Variants in MTCL1 observed in about 807,000 individuals in gnomAD.
MTCL1 encodes the protein microtubule cross-linking factor 1.
In MTCL1, 79 loss-of-function variants were observed where a neutral mutation model predicts 141.4. That is an observed-to-expected ratio of 0.56 (90% CI 0.47 to 0.67). MTCL1 has a LOEUF of 0.67. MTCL1 is among the 30% of genes least tolerant of loss of function. MTCL1 has a pLI of 0.00. For missense variants in MTCL1, 2,177 were observed against 2,113.9 expected (o/e 1.03, Z -0.59); for synonymous variants, 914 against 875.8 (o/e 1.04, Z -0.77).
intron 6 of MTCL1, among the ~76,000 whole-genome samples, chr18:8,785,272 C>T (rs969526493): frequency 5.3e-5 from 8 of 152,174 alleles, no homozygotes; most frequent in Non-Finnish European, 8.8e-5. Flanking sequence ...TTAGCAGACT[C>T]GCTAACGAGC....
At chr18:8,825,225 C>T (rs750635320) in exon 15 of MTCL1, 3 of 1,596,910 alleles carry the variant, frequency 1.9e-6, no homozygotes, top group Non-Finnish European at 2.6e-6. Flanking sequence ...CAGCAGGTGG[C>T]CTTGCACCTC....
At chr18:8,831,412 T>G in intron 16 of MTCL1, 195 bp from the exon 15 acceptor site, 1 of 1,414,648 alleles carries the variant, frequency 7.1e-7, no homozygotes, top group Non-Finnish European at 9.2e-7. Flanking sequence ...CCCATTCATG[T>G]CACTGATCAT....
intron 4 of MTCL1, among the ~76,000 whole-genome samples, chr18:8,763,683 C>G (rs190694838): frequency 4.6e-5 from 7 of 152,332 alleles, no homozygotes; most frequent in Admixed American, 3.3e-4. Flanking sequence ...GACAAAAAGT[C>G]TTGTCAGTTC....
chr18:8,805,118 TAG>T (rs2076252553), intron 10 of MTCL1, among the ~76,000 whole-genome samples: 1 of 150,974 alleles, frequency 6.6e-6, no homozygotes, highest in Non-Finnish European at 1.5e-5. Context: ...TATATATATA[TAG>T]AATTTTAGGT....
chr18:8,721,934 G>A (rs2096175972), intron 4 of MTCL1, among the ~76,000 whole-genome samples: 1 of 152,108 alleles, frequency 6.6e-6, no homozygotes, highest in Non-Finnish European at 1.5e-5. Context: ...GCGGAGCATA[G>A]AGCTGTGTGA....
chr18:8,755,126 C>A (rs2096390338), intron 4 of MTCL1, among the ~76,000 whole-genome samples: 1 of 152,230 alleles, frequency 6.6e-6, no homozygotes. Context: ...GCTCTTGCTG[C>A]CACTCTGAGT....
exon 15 of MTCL1, chr18:8,825,171 G>A: frequency 1.3e-6 from 2 of 1,576,762 alleles, no homozygotes; most frequent in East Asian, 2.2e-5. Flanking sequence ...CAGAGCCAGA[G>A]GGAGCCCGGG....
At chr18:8,787,924 G>C (rs916403976) in intron 7 of MTCL1, among the ~76,000 whole-genome samples, 3 of 152,202 alleles carry the variant, frequency 2.0e-5, no homozygotes, top group African/African-American at 7.2e-5. Flanking sequence ...AGGCCGCCCT[G>C]TCCCTGGTGT....
chr18:8,718,504 A>T, exon 3 of MTCL1: 1 of 1,614,212 alleles, frequency 6.2e-7, no homozygotes, highest in Non-Finnish European at 8.5e-7. Context: ...AGCTGCAGGA[A>T]CTTCGGCGAG....
chr18:8,773,579 A>G (rs2096493358), intron 4 of MTCL1, among the ~76,000 whole-genome samples: 1 of 152,136 alleles, frequency 6.6e-6, no homozygotes, highest in Non-Finnish European at 1.5e-5. Context: ...CAATCTATCA[A>G]TCTTTTCTCT....
At chr18:8,775,783 C>T (rs779799970) in intron 4 of MTCL1, among the ~76,000 whole-genome samples, 6 of 152,038 alleles carry the variant, frequency 3.9e-5, no homozygotes, top group Non-Finnish European at 8.8e-5. Context: ...TTCCTTCCAC[C>T]TTTGTTAGTC....
intron 4 of MTCL1, among the ~76,000 whole-genome samples, chr18:8,754,769 T>G (rs745323868): frequency 1.1e-3 from 164 of 152,230 alleles, no homozygotes; most frequent in Non-Finnish European, 1.9e-3. Flanking sequence ...TTTTATATTC[T>G]CTCTTGTTCT....
chr18:8,735,220 A>G (rs1020268607), intron 4 of MTCL1, among the ~76,000 whole-genome samples: 2 of 152,186 alleles, frequency 1.3e-5, no homozygotes, highest in Non-Finnish European at 2.9e-5. Flanking sequence ...AGATTCTAGC[A>G]TATGCATGAA....
In MTCL1 at chr18:8,709,190, G is replaced by A. The variant is rs1211598469; in HGVS notation, c.1053+2477G>A. 4.5e-5 allele frequency among the ~76,000 whole-genome samples: 6 copies of A among 132,144 alleles called. No homozygotes were observed. In the East Asian group the frequency reaches 6.4e-4, roughly 14 times the overall value. The allele number at this position is 132,144 out of a possible 152,430, so 86.7% of individuals were successfully genotyped here. On this transcript the variant is annotated intron_variant, in intron 1 of 13. Transcript: ENST00000306329. ...TGTTATTTTCAGGGGTATTTTTTCC[G>A]TTTTTTGTGGTTTTTTTTTGAAGGG...
intron 4 of MTCL1, among the ~76,000 whole-genome samples, chr18:8,774,632 C>T (rs1382159652): frequency 1.3e-5 from 2 of 152,110 alleles, no homozygotes; most frequent in Admixed American, 6.6e-5. Flanking sequence ...GGATTACAGG[C>T]GTAAGCCACG....
In MTCL1 at chr18:8,728,991, C is replaced by T. The variant is rs184746349; in HGVS notation, c.357+8495C>T. Among the ~76,000 whole-genome samples, 1,005 of 152,104 alleles carry T rather than the reference C, an allele frequency of 6.6e-3. 6 individuals carry two copies. The highest frequency in any genetic ancestry group is 9.2e-3 in the Non-Finnish European group (625 of 67,988). On this transcript the variant is annotated intron_variant, in intron 4 of 16. Coordinates refer to ENST00000359865, the Ensembl canonical transcript of MTCL1. ...CCTCAGGTGATCCACCCACCTCAGC[C>T]TCCCAAAGTGCTGGGATTATAGATG...
chr18:8,794,643 A>C (rs2075852003), intron 8 of MTCL1, among the ~76,000 whole-genome samples: 1 of 152,212 alleles, frequency 6.6e-6, no homozygotes, highest in Non-Finnish European at 1.5e-5. Flanking sequence ...GACATGTAAA[A>C]GAAAATAAAA....
At chr18:8,756,397 GTATATA>G (rs1321228607) in intron 4 of MTCL1, among the ~76,000 whole-genome samples, 1 of 150,204 alleles carries the variant, frequency 6.7e-6, no homozygotes, top group Non-Finnish European at 1.5e-5. Context: ...GTGTATATAT[GTATATA>G]TGTGTGTATA....
At chr18:8,819,384 G>A (rs565847205) in intron 13 of MTCL1, 125 bp downstream of exon 12, 8 of 919,060 alleles carry the variant, frequency 8.7e-6, no homozygotes, top group South Asian at 1.7e-5. Context: ...AGCAACCTCC[G>A]AATTGAGTAA....
Sources: allele counts gnomAD v4.1 joint callset (sites outside exome capture counted in the v4.1 genomes callset), GRCh38; gene constraint gnomAD v4.1.1; transcripts MANE v1.5; gene names NCBI Gene and HGNC (gene_info 2026-07-23, HGNC 2026-07-21).